The following RASD2 variants were observed in gnomAD, a reference collection of about 807,000 sequenced individuals.
The protein encoded by RASD2 is RASD family member 2, also known as GTP-binding protein Rhes.
RASD2 carries 7 observed loss-of-function variants against 15.8 expected under a neutral mutation model. That is an observed-to-expected ratio of 0.44 (90% CI 0.25 to 0.83). RASD2 has a LOEUF of 0.83. Ranked by LOEUF, RASD2 falls within the 40% of genes least tolerant of loss-of-function variation. The pLI is 0.20. For synonymous variants in RASD2, 155 were observed against 153.6 expected, an observed-to-expected ratio of 1.01 and a Z score of -0.07; for missense variants, 274 against 382.8, an observed-to-expected ratio of 0.72 and a Z score of 2.37.
At chr22:35,549,171 G>T (rs1339005389) in intron 2 of RASD2, among the ~76,000 whole-genome samples, 1 of 152,270 alleles carries the variant, frequency 6.6e-6, no homozygotes, top group African/African-American at 2.4e-5. Flanking sequence ...CTGCCCCGGA[G>T]GTGGCCACCC....
chr22:35,543,012 TG>T (rs1270402033), intron 1 of RASD2, among the ~76,000 whole-genome samples: 1 of 152,168 alleles, frequency 6.6e-6, no homozygotes, highest in African/African-American at 2.4e-5. Context: ...CAGTTTTGGC[TG>T]GGGGTGGGTT....
At chr22:35,550,113 A>C (rs1220721348) in intron 2 of RASD2, among the ~76,000 whole-genome samples, 2 of 152,082 alleles carry the variant, frequency 1.3e-5, no homozygotes, top group East Asian at 3.9e-4. Flanking sequence ...AATACAAAAA[A>C]TTAGCCAGGT....
chr22:35,552,217 C>A lies in RASD2; in HGVS notation c.*185C>A, dbSNP rs1269670726. 3 of 723,192 alleles carry A rather than the reference C, an allele frequency of 4.1e-6. No homozygotes were observed. The highest frequency in any genetic ancestry group is 3.9e-5 in the South Asian group (2 of 51,934). 44.8% of individuals were successfully genotyped at this position (723,192 alleles called of 1,614,324 possible). On this transcript the variant is annotated 3_prime_UTR_variant, in exon 3 of 3. Coordinates refer to ENST00000216127, the MANE Select transcript of RASD2 (RefSeq NM_014310.4). The stretch of plus-strand genomic sequence containing the variant: ...TGCCTTCTCACAGCTTTCCTGAGTC[C>A]GCTTGTCCACAGCTCCTTGGTGGTT...
intron 1 of RASD2, among the ~76,000 whole-genome samples, chr22:35,544,960 T>C (rs1210708630): frequency 2.0e-5 from 3 of 152,218 alleles, no homozygotes; most frequent in Admixed American, 2.0e-4. Flanking sequence ...AGTGCGGGGC[T>C]TGGCACACTG....
upstream of RASD2, among the ~76,000 whole-genome samples, chr22:35,539,804 A>G (rs933483710): frequency 4.6e-5 from 7 of 152,230 alleles, no homozygotes; most frequent in Admixed American, 4.6e-4. Context: ...AAATATATTA[A>G]GTAATAAGTG....
At chr22:35,548,743 G>A (rs16995824) in intron 2 of RASD2, among the ~76,000 whole-genome samples, 2,631 of 152,324 alleles carry the variant, frequency 0.017, 74 homozygotes, top group African/African-American at 0.061. Context: ...GTAGATAGGA[G>A]AGCCCTGGGT....
intron 1 of RASD2, among the ~76,000 whole-genome samples, chr22:35,541,860 G>A (rs567691909): frequency 1.4e-4 from 21 of 152,350 alleles, no homozygotes; most frequent in African/African-American, 4.8e-4. Flanking sequence ...GGGAAGACGA[G>A]TCAACTACCA....
Position 35,551,746 on chromosome 22 carries a change from C to T in RASD2, c.515C>T (p.Ser172Leu). The change falls in exon 3 of 3, where the codon TCG becomes TTG. Residue 172 changes from serine to leucine, a missense_variant. Ser to Leu is a moderately radical substitution (Grantham distance 145). Coordinates refer to ENST00000216127, the MANE Select transcript of RASD2 (RefSeq NM_014310.4). This position sits in a 1 kb window ranked among gnomAD's most constrained non-coding sequence, Gnocchi z 4.9. ...GDENCAYFEV[S>L]AKKNTNVDEM... ...GAGAACTGCGCCTACTTCGAGGTGT[C>T]GGCCAAGAAGAACACCAACGTGGAC... The T allele has an allele frequency of 2.5e-6, 4 of 1,614,000 alleles. No homozygotes were observed. The highest frequency in any genetic ancestry group is 1.7e-5 in the Admixed American group (1 of 60,002).
At chr22:35,550,096 AC>A (rs1410298675) in intron 2 of RASD2, among the ~76,000 whole-genome samples, 2 of 152,104 alleles carry the variant, frequency 1.3e-5, no homozygotes, top group African/African-American at 4.8e-5. Flanking sequence ...CACCGTCTCT[AC>A]TAAAAAATAC....
At chr22:35,549,221 C>T (rs948690813) in intron 2 of RASD2, among the ~76,000 whole-genome samples, 9 of 152,250 alleles carry the variant, frequency 5.9e-5, no homozygotes, top group Non-Finnish European at 1.0e-4. Flanking sequence ...TCCGTGACTA[C>T]ACCGGCATTC....
At chr22:35,545,590 AT>A (rs1201297698) in intron 1 of RASD2, among the ~76,000 whole-genome samples, 1 of 152,076 alleles carries the variant, frequency 6.6e-6, no homozygotes, top group Non-Finnish European at 1.5e-5. Context: ...GCCTGTGCCC[AT>A]TTGCAGTTCA....
In RASD2 at chr22:35,552,205, C is replaced by A. The variant is rs1601819329; in HGVS notation, c.*173C>A. On this transcript the variant is annotated 3_prime_UTR_variant, in exon 3 of 3. Transcript: ENST00000216127. ...CGCACATTCGTCTGCCTTCTCACAG[C>A]TTTCCTGAGTCCGCTTGTCCACAGC... 1 of 805,516 alleles carries A rather than the reference C, an allele frequency of 1.2e-6. No individual in the cohort carries two copies. The highest frequency in any genetic ancestry group is 2.7e-5 in the East Asian group (1 of 37,130). The allele number at this position is 805,516 out of a possible 1,614,324, so 49.9% of individuals were successfully genotyped here.
upstream of RASD2, among the ~76,000 whole-genome samples, chr22:35,540,513 C>T (rs1934317625): frequency 6.6e-6 from 1 of 150,548 alleles, no homozygotes. Flanking sequence ...CGCTGGGCGG[C>T]GGGAGGCGCG....
intron 1 of RASD2, among the ~76,000 whole-genome samples, chr22:35,542,951 G>A (rs550129972): frequency 3.3e-5 from 5 of 152,298 alleles, no homozygotes; most frequent in Admixed American, 6.5e-5. Flanking sequence ...TCATCCCCCC[G>A]CCTGATGCCA....
At position 35,551,714 on chromosome 22, in the gene RASD2, G is replaced by A. The variant is rs138302702; in HGVS notation, c.483G>A (p.Ser161=). The A allele has an allele frequency of 4.3e-5, 69 of 1,613,672 alleles. No individual in the cohort carries two copies. The highest frequency in any genetic ancestry group is 9.3e-5 in the African/African-American group (7 of 74,894). Residue 161 remains serine (S), a synonymous_variant, in exon 3 of 3, where the codon TCG becomes TCA. Coordinates refer to ENST00000216127, the MANE Select transcript of RASD2 (RefSeq NM_014310.4). The surrounding 1 kb of genome is among the most constrained non-coding windows in gnomAD (Gnocchi z 4.9). The part of the protein sequence containing the change: ...VPTTEAELLV[S]GDENCAYFEV... The stretch of plus-strand genomic sequence containing the variant: ...CCACCGAGGCCGAGCTGCTGGTGTC[G>A]GGCGACGAGAACTGCGCCTACTTCG...
At chr22:35,547,498 G>A (rs1446208563) in intron 2 of RASD2, among the ~76,000 whole-genome samples, 1 of 152,228 alleles carries the variant, frequency 6.6e-6, no homozygotes, top group Non-Finnish European at 1.5e-5. Context: ...GAGAGGTAAG[G>A]GCAGGACCCA....
At position 35,547,100 on chromosome 22, in the gene RASD2, G is replaced by A; in HGVS notation, c.271+20G>A. 2 of 1,603,516 alleles carry A rather than the reference G, an allele frequency of 1.2e-6. No homozygotes were observed. The highest frequency in any genetic ancestry group is 1.3e-5 in the African/African-American group (1 of 74,944). On this transcript the variant is annotated intron_variant, in intron 2 of 2. Coordinates refer to ENST00000216127, the MANE Select transcript of RASD2 (RefSeq NM_014310.4). ...TCACAGGTGAGGCCCACTGGTGCCTGGGCTGGGGCGGCAGGGCCAGGGCAT... is the reference window on the plus strand; with the variant it reads ...TCACAGGTGAGGCCCACTGGTGCCTAGGCTGGGGCGGCAGGGCCAGGGCAT...
chr22:35,551,909 C>T lies in RASD2; in HGVS notation c.678C>T (p.Asp226=), dbSNP rs144245051. The change falls in exon 3 of 3, where the codon GAC becomes GAT. Residue 226 remains aspartate (D), a synonymous_variant. Coordinates refer to ENST00000216127, the MANE Select transcript of RASD2 (RefSeq NM_014310.4). The surrounding 1 kb of genome is among the most constrained non-coding windows in gnomAD (Gnocchi z 4.9). ...PFCMRRVKEM[D]AYGMVSPFAR... is the part of the protein sequence containing the mutation. ...GCATGCGCCGCGTCAAGGAGATGGA[C>T]GCCTATGGCATGGTCTCGCCCTTCG... The T allele has an allele frequency of 7.6e-5, 123 of 1,612,418 alleles. No homozygotes were observed. The highest frequency in any genetic ancestry group is 1.5e-4 in the South Asian group (14 of 91,082).
chr22:35,546,463 T>C (rs962261247), intron 1 of RASD2, among the ~76,000 whole-genome samples: 2 of 152,162 alleles, frequency 1.3e-5, no homozygotes, highest in African/African-American at 4.8e-5. Flanking sequence ...ATTGGGCTCA[T>C]TTTGCAGATG....
Sources: allele counts gnomAD v4.1 joint callset (sites outside exome capture counted in the v4.1 genomes callset), GRCh38; gene constraint gnomAD v4.1.1; non-coding constraint Gnocchi (gnomAD v3.1); transcripts MANE v1.5; gene names NCBI Gene and HGNC (gene_info 2026-07-23, HGNC 2026-07-21).